SEMA5B: variants seen among roughly 807,000 people sequenced by gnomAD.
SEMA5B encodes the protein semaphorin 5B.
SEMA5B carries 66 observed loss-of-function variants against 135.0 expected under a neutral mutation model. The observed-to-expected ratio is 0.49, with a 90% confidence interval of 0.40 to 0.60. SEMA5B has a LOEUF of 0.60. SEMA5B is among the 20% of genes least tolerant of loss of function. The pLI, the probability that SEMA5B is intolerant of heterozygous loss-of-function variation, is 0.00. For missense variants in SEMA5B, 1,501 were observed against 1,566.3 expected (o/e 0.96, Z 0.70); for synonymous variants, 690 against 639.5 (o/e 1.08, Z -1.19).
At chr3:122,993,787 T>G (rs939588331) in intron 1 of SEMA5B, among the ~76,000 whole-genome samples, 4 of 136,112 alleles carry the variant, frequency 2.9e-5, no homozygotes, top group African/African-American at 1.1e-4. Flanking sequence ...CTCCCGCTCC[T>G]GCCTCCCCCA....
chr3:122,916,316 A>T (rs1938073853), intron 12 of SEMA5B, among the ~76,000 whole-genome samples: 1 of 152,342 alleles, frequency 6.6e-6, no homozygotes, highest in South Asian at 2.1e-4. Flanking sequence ...TGCTATGATC[A>T]TAGAGTCATA....
intron 4 of SEMA5B, among the ~76,000 whole-genome samples, chr3:122,940,287 C>G (rs1345215416): frequency 1.3e-5 from 2 of 152,210 alleles, no homozygotes; most frequent in African/African-American, 4.8e-5. Context: ...CAGAAGGCCA[C>G]CATGCACAGA....
chr3:122,949,866 C>T (rs1455963005), intron 2 of SEMA5B, among the ~76,000 whole-genome samples: 1 of 152,180 alleles, frequency 6.6e-6, no homozygotes, highest in African/African-American at 2.4e-5. Flanking sequence ...CATCCACGAC[C>T]TAACCAATCA....
intron 1 of SEMA5B, among the ~76,000 whole-genome samples, chr3:122,962,261 G>T (rs1940616758): frequency 1.3e-5 from 2 of 152,204 alleles, no homozygotes; most frequent in African/African-American, 4.8e-5. Flanking sequence ...ACACATTTCT[G>T]GCATCCAGAG....
chr3:122,960,593 G>A (rs1013564713), intron 2 of SEMA5B, among the ~76,000 whole-genome samples: 1 of 152,134 alleles, frequency 6.6e-6, no homozygotes, highest in African/African-American at 2.4e-5. Context: ...ACAGATAAAT[G>A]GATACACAAA....
chr3:122,962,510 A>G (rs2107609941), intron 1 of SEMA5B, among the ~76,000 whole-genome samples: 1 of 152,326 alleles, frequency 6.6e-6, no homozygotes, highest in South Asian at 2.1e-4. Context: ...TGGAAAGGGG[A>G]GATTGCGGGA....
chr3:122,930,791 T>G lies in SEMA5B; in HGVS notation c.475-1733A>C, dbSNP rs373275302. ...AACAGTGAAACACATAGCCTTTTGC[T>G]TGTTTTACAGGGAAGAACACTAAAG... On this transcript the variant is annotated intron_variant, in intron 5 of 22. Transcript: ENST00000357599. Among the ~76,000 whole-genome samples, 29 of 152,350 alleles carry G rather than the reference T, an allele frequency of 1.9e-4. No individual in the cohort carries two copies. The South Asian group carries it at 6.0e-3, about 32-fold the overall frequency.
rs1404965579 is a variant in SEMA5B at position 122,927,972 on chromosome 3, A to C, written c.668T>G (p.Ile223Ser). 1.3e-6 allele frequency: 2 copies of C among 1,526,282 alleles called. No individual in the cohort carries two copies. The highest frequency in any genetic ancestry group is 1.8e-6 in the Non-Finnish European group (2 of 1,134,276). The allele number at this position is 1,526,282 out of a possible 1,614,324, so 94.5% of individuals were successfully genotyped here. Reference protein sequence around the residue: ...VGNLSRTIEKINGVARCPYDP... With the variant: ...VGNLSRTIEKSNGVARCPYDP... ...ATAGGGGCAGCGGGCCACACCATTG[A>C]TCTTCTCAATAGTCCGGCTGAGGTT... The change falls in exon 8 of 23, where the codon ATC becomes AGC. Residue 223 changes from isoleucine to serine, a missense_variant. By Grantham distance (142) the Ile-to-Ser change is moderately radical. Coordinates refer to ENST00000357599, the MANE Select transcript of SEMA5B (RefSeq NM_001031702.4).
intron 2 of SEMA5B, among the ~76,000 whole-genome samples, chr3:122,952,460 A>T (rs563765773): frequency 1.3e-5 from 2 of 152,312 alleles, no homozygotes; most frequent in African/African-American, 4.8e-5. Flanking sequence ...TGGGAAAAAC[A>T]CTTAACCTTT....
At chr3:122,999,347 C>G (rs577866363) in intron 1 of SEMA5B, among the ~76,000 whole-genome samples, 69 of 152,278 alleles carry the variant, frequency 4.5e-4, no homozygotes, top group African/African-American at 1.6e-3. Context: ...GTTACTCAGC[C>G]TCCCAAGTAG....
intron 1 of SEMA5B, among the ~76,000 whole-genome samples, chr3:123,004,737 G>A (rs1942263129): frequency 1.3e-5 from 2 of 152,132 alleles, no homozygotes; most frequent in African/African-American, 2.4e-5. Context: ...CCACACTGAT[G>A]GAAATTGATT....
chr3:122,972,086 G>A (rs577116748), intron 1 of SEMA5B, among the ~76,000 whole-genome samples: 25 of 152,296 alleles, frequency 1.6e-4, no homozygotes, highest in African/African-American at 5.8e-4. Context: ...GAGTTTTGAG[G>A]AGTCCCTCAC....
At chr3:123,008,312 C>T (rs998204764) in intron 1 of SEMA5B, among the ~76,000 whole-genome samples, 4 of 152,174 alleles carry the variant, frequency 2.6e-5, no homozygotes, top group Admixed American at 6.5e-5. Context: ...TTCTATCTCC[C>T]CTGCTTAGAA....
intron 1 of SEMA5B, among the ~76,000 whole-genome samples, chr3:122,975,554 A>C (rs1191845474): frequency 6.6e-6 from 1 of 152,208 alleles, no homozygotes; most frequent in Non-Finnish European, 1.5e-5. Context: ...CCGTAAAACC[A>C]CACAGGGCAG....
intron 5 of SEMA5B, 66 bp downstream of exon 5, chr3:122,939,359 G>T: frequency 7.6e-7 from 1 of 1,315,264 alleles, no homozygotes; most frequent in Non-Finnish European, 1.1e-6. Flanking sequence ...CGCCACTTGC[G>T]TTGCCCTGCC....
rs553188960 is a variant in SEMA5B at position 123,004,811 on chromosome 3, A to G, written c.-39+22653T>C. 1.3e-4 allele frequency among the ~76,000 whole-genome samples: 20 copies of G among 152,306 alleles called. No homozygotes were observed. The South Asian group carries it at 1.9e-3, about 14-fold the overall frequency. ...TTAGGATGTTGCTCTTTTAGAGCAA[A>G]CATTCAGGCTCCCAGCCCCACCTGG... On this transcript the variant is annotated intron_variant, in intron 1 of 22. Transcript: ENST00000357599.
rs557619849 is a variant in SEMA5B, at chr3:122,958,431, T to C, written c.124+2709A>G. 1.5e-3 allele frequency: 234 copies of C among 152,274 alleles called. 1 individual carries two copies. Among genetic ancestry groups the C allele is most frequent in the African/African-American group, 5.3e-3 (220 of 41,562 alleles). The allele number at this position is 152,274 out of a possible 1,614,324, so 9.4% of individuals were successfully genotyped here. A position where few individuals can be genotyped will look rare whatever the true frequency, so the allele number is the denominator to read the frequency against. On this transcript the variant is annotated intron_variant, in intron 2 of 22. Transcript: ENST00000357599. ...TGCAGTTTGGCAGGAAGGGAAAGCA[T>C]TGTGGGGGCAGCCCTCTCCTGCCCC...
intron 4 of SEMA5B, among the ~76,000 whole-genome samples, chr3:122,940,997 A>G (rs911162565): frequency 6.6e-6 from 1 of 152,202 alleles, no homozygotes; most frequent in Non-Finnish European, 1.5e-5. Flanking sequence ...TCATCACAAC[A>G]TCGCAGTCAA....
At chr3:122,968,565 C>CA (rs1403008493) in intron 1 of SEMA5B, among the ~76,000 whole-genome samples, 11 of 152,214 alleles carry the variant, frequency 7.2e-5, no homozygotes, top group Admixed American at 7.2e-4. Flanking sequence ...ACGCCCGCCC[C>CA]AACACTACTG....
Sources: allele counts gnomAD v4.1 joint callset (sites outside exome capture counted in the v4.1 genomes callset), GRCh38; gene constraint gnomAD v4.1.1; transcripts MANE v1.5; gene names NCBI Gene and HGNC (gene_info 2026-07-23, HGNC 2026-07-21).